Variants in SEC61B observed in about 807,000 individuals in gnomAD.
SEC61B encodes the protein protein transport protein Sec61 subunit beta.
SEC61B carries 7 observed loss-of-function variants against 12.6 expected under a neutral mutation model. That is an observed-to-expected ratio of 0.55 (90% confidence interval 0.32 to 1.04). The LOEUF (loss-of-function observed/expected upper bound fraction) is 1.04. Ranked by LOEUF, SEC61B falls within the 50% of genes least tolerant of loss-of-function variation. The pLI, the probability that SEC61B is intolerant of heterozygous loss-of-function variation, is 0.05. For missense variants in SEC61B, 107 were observed against 130.1 expected (o/e 0.82, Z 0.86); for synonymous variants, 54 against 50.1 (o/e 1.08, Z -0.33).
chr9:99,224,290 G>A (rs185722399), intron 2 of SEC61B, among the ~76,000 whole-genome samples: 2 of 152,262 alleles, frequency 1.3e-5, no homozygotes, highest in East Asian at 3.9e-4. Context: ...CCCTGTCATT[G>A]GGATGTTCAT....
chr9:99,222,463 A>T, intron 1 of SEC61B, 83 bp from the exon 2 acceptor site: 4 of 1,605,170 alleles, frequency 2.5e-6, no homozygotes, highest in Non-Finnish European at 2.6e-6. Context: ...TGCTTCCCCC[A>T]GCCTCGGGTG....
intron 2 of SEC61B, among the ~76,000 whole-genome samples, chr9:99,224,127 C>T (rs950166949): frequency 1.3e-5 from 2 of 152,180 alleles, no homozygotes; most frequent in African/African-American, 4.8e-5. Flanking sequence ...ATGGAAACTT[C>T]TGAAGGATGT....
chr9:99,230,472 C>A lies in SEC61B; in HGVS notation c.*48C>A. 7.7e-7 allele frequency: 1 copy of A among 1,290,326 alleles called. No individual in the cohort carries two copies. The highest frequency in any genetic ancestry group is 1.1e-6 in the Non-Finnish European group (1 of 895,054). The allele number at this position is 1,290,326 out of a possible 1,614,324, so 79.9% of individuals were successfully genotyped here. The stretch of plus-strand genomic sequence containing the variant: ...TCTGAAGAAGGAGGAAAAAACCCAA[C>A]ATTTCTTGGACCAAAAGTATAGTGA... On this transcript the variant is annotated 3_prime_UTR_variant, in exon 4 of 4. Transcript: ENST00000223641.
At chr9:99,223,688 G>A (rs1191018758) in intron 2 of SEC61B, among the ~76,000 whole-genome samples, 1 of 152,212 alleles carries the variant, frequency 6.6e-6, no homozygotes, top group African/African-American at 2.4e-5. Flanking sequence ...CACTGCGCCC[G>A]GCCTTCAGCC....
At chr9:99,222,917 G>T (rs1428984977) in intron 2 of SEC61B, 2 of 359,902 alleles carry the variant, frequency 5.6e-6, no homozygotes, top group Non-Finnish European at 1.0e-5. Flanking sequence ...TTAAACTGGT[G>T]TCTCTGGACC....
intron 3 of SEC61B, among the ~76,000 whole-genome samples, chr9:99,229,421 C>T (rs1367283106): frequency 1.3e-5 from 2 of 152,026 alleles, no homozygotes; most frequent in African/African-American, 2.4e-5. Context: ...AATTCCTGGG[C>T]TCAAGTGATC....
chr9:99,226,592 G>A (rs1219927796), intron 2 of SEC61B, among the ~76,000 whole-genome samples: 1 of 152,166 alleles, frequency 6.6e-6, no homozygotes. Context: ...CTGAGTTGGT[G>A]ATACATGGTC....
chr9:99,225,202 C>T (rs1350106711), intron 2 of SEC61B, among the ~76,000 whole-genome samples: 4 of 152,198 alleles, frequency 2.6e-5, no homozygotes, highest in African/African-American at 9.6e-5. Flanking sequence ...GGTTTGTACT[C>T]ATGAACCTTA....
chr9:99,224,072 A>G (rs898685533), intron 2 of SEC61B, among the ~76,000 whole-genome samples: 1 of 152,344 alleles, frequency 6.6e-6, no homozygotes, highest in Admixed American at 6.5e-5. Flanking sequence ...TTTTGAAGGA[A>G]CTAGTGGGGT....
chr9:99,222,475 G>C, intron 1 of SEC61B, 71 bp from the exon 2 acceptor site: 1 of 1,602,124 alleles, frequency 6.2e-7, no homozygotes, highest in South Asian at 1.1e-5. Flanking sequence ...CCTCGGGTGT[G>C]GGTGTCTAGG....
chr9:99,222,864 A>C, intron 2 of SEC61B: 1 of 471,536 alleles, frequency 2.1e-6, no homozygotes, highest in East Asian at 3.5e-5. Context: ...AAAGTTAACA[A>C]ACTGGAATAG....
chr9:99,224,321 G>A (rs1309976166), intron 2 of SEC61B, among the ~76,000 whole-genome samples: 1 of 152,148 alleles, frequency 6.6e-6, no homozygotes, highest in East Asian at 1.9e-4. Context: ...TCAGGCTGTG[G>A]TTTAACTTAT....
chr9:99,223,474 GC>G (rs1254638553), intron 2 of SEC61B, among the ~76,000 whole-genome samples: 3 of 150,978 alleles, frequency 2.0e-5, no homozygotes, highest in African/African-American at 7.3e-5. Flanking sequence ...GCTCACTACA[GC>G]CTTTGCCTCC....
At position 99,222,306 on chromosome 9, in the gene SEC61B, G is replaced by GT; in HGVS notation, c.-58_-57insT. 6.2e-7 allele frequency: 1 copy of GT among 1,613,662 alleles called. No homozygotes were observed. The highest frequency in any genetic ancestry group is 1.7e-4 in the Middle Eastern group (1 of 6,060). ...CAGTCTCGCCAGCTGCCGGTCTTTC[G>GT]GGGGCTCCGTAACTTTCTATCCGTC... On this transcript the variant is annotated 5_prime_UTR_variant, in exon 1 of 4. Coordinates refer to ENST00000223641, the MANE Select transcript of SEC61B (RefSeq NM_006808.3).
Position 99,222,587 on chromosome 9 carries a change from G to T in SEC61B, c.45G>T (p.Gly15=). The T allele has an allele frequency of 6.4e-7, 1 of 1,561,108 alleles. No individual in the cohort carries two copies. The change falls in exon 2 of 4, where the codon GGG becomes GGT. Residue 15 remains glycine (G), a synonymous_variant. Transcript: ENST00000223641. ...TPSGTNVGSS[G]RSPSKAVAAR... is the part of the protein sequence containing the mutation. ...GTGGCACTAACGTGGGATCCTCAGG[G>T]CGCTCTCCCAGCAAAGCAGTGGCCG... is the stretch of plus-strand genomic sequence containing the variant.
chr9:99,228,047 G>T (rs1353469704), intron 3 of SEC61B, 47 bp downstream of exon 3: 5 of 1,368,480 alleles, frequency 3.7e-6, no homozygotes, highest in South Asian at 1.2e-5. Flanking sequence ...TGGCAGCAGA[G>T]CAGCAGTGGC....
intron 2 of SEC61B, among the ~76,000 whole-genome samples, chr9:99,226,435 G>A (rs113457837): frequency 0.026 from 3,902 of 152,254 alleles, 84 homozygotes; most frequent in Admixed American, 0.057. Flanking sequence ...CTTCTTTTCC[G>A]TATATGCCCT....
At chr9:99,230,615 AC>A (rs1828949855), downstream of SEC61B, 1 of 494,750 alleles carries the variant, frequency 2.0e-6, no homozygotes, top group Non-Finnish European at 3.5e-6. Flanking sequence ...ATTCACTTAT[AC>A]TGAGTCTGAT....
At chr9:99,228,034 C>A in intron 3 of SEC61B, 34 bp downstream of exon 3, 2 of 1,525,690 alleles carry the variant, frequency 1.3e-6, no homozygotes, top group Non-Finnish European at 1.8e-6. Flanking sequence ...TGTTTCTGTC[C>A]AGTGGCAGCA....
Sources: allele counts gnomAD v4.1 joint callset (sites outside exome capture counted in the v4.1 genomes callset), GRCh38; gene constraint gnomAD v4.1.1; transcripts MANE v1.5; gene names NCBI Gene and HGNC (gene_info 2026-07-23, HGNC 2026-07-21).